PCDHA6: variants seen among roughly 807,000 people sequenced by gnomAD.
PCDHA6 encodes the protein protocadherin alpha-6.
In PCDHA6, 55 loss-of-function variants were observed where a neutral mutation model predicts 60.3. That is an observed-to-expected ratio of 0.91 (90% confidence interval 0.73 to 1.14). The LOEUF is 1.14. Among genes scored for constraint, PCDHA6 ranks in the 50% most tolerant of loss-of-function variants. The pLI is 0.00. For missense variants in PCDHA6, 1,327 were observed against 1,256.5 expected (o/e 1.06, Z -0.85); for synonymous variants, 652 against 557.9 (o/e 1.17, Z -2.38).
rs536640692 is a variant in PCDHA6 at position 140,927,687 on chromosome 5, T to TG, written c.2395-51258dup. ...CCTTGGATCCAGATGAAGGGTCCAATGGGGAAGTCCAGTACTCCCTAAGCA... is the reference window on the plus strand; with the variant it reads ...CCTTGGATCCAGATGAAGGGTCCAATGGGGGAAGTCCAGTACTCCCTAAGCA... On this transcript the variant is annotated intron_variant, in intron 1 of 3. Coordinates refer to ENST00000529310, the MANE Select transcript of PCDHA6 (RefSeq NM_018909.4). The TG allele has an allele frequency of 3.2e-4, 518 of 1,614,158 alleles. 3 individuals carry two copies. In the Middle Eastern group the frequency reaches 0.011, roughly 35 times the overall value.
At position 140,851,390 on chromosome 5, in the gene PCDHA6, C is replaced by A. The variant is rs1410826615; in HGVS notation, c.2394+20905C>A. The A allele has an allele frequency of 2.3e-5, 22 of 973,626 alleles. 2 individuals are homozygous for A. In the African/African-American group the frequency reaches 3.7e-4, roughly 16 times the overall value. The allele number at this position is 973,626 out of a possible 1,614,324, so 60.3% of individuals were successfully genotyped here. A position where few individuals can be genotyped will look rare whatever the true frequency, so the allele number is the denominator to read the frequency against. On this transcript the variant is annotated intron_variant, in intron 1 of 3. Transcript: ENST00000529310. ...CTGATTGTTCAGCAACCTTCAGTAT[C>A]TATTATTTTAATAAGAAAGAAACTT...
chr5:140,986,371 G>T (rs1453761888), intron 3 of PCDHA6, among the ~76,000 whole-genome samples: 2 of 152,116 alleles, frequency 1.3e-5, no homozygotes, highest in African/African-American at 2.4e-5. Flanking sequence ...AATGCGTTTT[G>T]GGGGGAGGGA....
intron 1 of PCDHA6, among the ~76,000 whole-genome samples, chr5:140,846,287 T>G (rs1554141208): frequency 6.7e-6 from 1 of 149,424 alleles, no homozygotes; most frequent in East Asian, 1.9e-4. Flanking sequence ...ATGTTGTAGT[T>G]CTATGAATTA....
rs60872775 is a variant in PCDHA6 at position 140,857,509 on chromosome 5, C to G, written c.2394+27024C>G. 2,646 of 1,598,160 alleles carry G rather than the reference C, an allele frequency of 1.7e-3. 197 individuals carry two copies. In the African/African-American group the frequency reaches 0.032, roughly 19 times the overall value. ...GGGACGCGGACGCGCAGGAGAACGCCCTGGTGTCCTACTCTCTGGTGGAGC... is the reference window on the plus strand; with the variant it reads ...GGGACGCGGACGCGCAGGAGAACGCGCTGGTGTCCTACTCTCTGGTGGAGC... On this transcript the variant is annotated intron_variant, in intron 1 of 3. Transcript: ENST00000529310.
rs142468733 is a variant in PCDHA6 at position 140,884,535 on chromosome 5, C to G, written c.2394+54050C>G. 4,368 of 1,614,034 alleles carry G rather than the reference C, an allele frequency of 2.7e-3. 82 individuals are homozygous for G. The South Asian group carries it at 0.038, about 14-fold the overall frequency. On this transcript the variant is annotated intron_variant, in intron 1 of 3. Coordinates refer to ENST00000529310, the MANE Select transcript of PCDHA6 (RefSeq NM_018909.4). ...TGGTCGTACTCGCAGCAGAGGCGGC[C>G]GAGGGTGTGCTCTGGGGAGGGCCCG...
At chr5:140,884,376 C>T (rs1554181489) in intron 1 of PCDHA6, 2 of 1,613,982 alleles carry the variant, frequency 1.2e-6, no homozygotes, top group Non-Finnish European at 1.7e-6. Context: ...TTGATCATTG[C>T]CATCTGCGCG....
chr5:140,928,863 C>T (rs1554206433), intron 1 of PCDHA6: 8 of 1,614,172 alleles, frequency 5.0e-6, no homozygotes, highest in Middle Eastern at 1.7e-4. Context: ...TGCTGTTGAG[C>T]AACTCTGTCC....
intron 3 of PCDHA6, among the ~76,000 whole-genome samples, chr5:141,000,804 G>A (rs2097964510): frequency 6.6e-6 from 1 of 151,886 alleles, no homozygotes; most frequent in African/African-American, 2.4e-5. Flanking sequence ...CTACTCAGAA[G>A]GCTGAGGTGG....
At chr5:140,949,237 A>G (rs1239213091) in intron 1 of PCDHA6, among the ~76,000 whole-genome samples, 1 of 151,790 alleles carries the variant, frequency 6.6e-6, no homozygotes, top group South Asian at 2.1e-4. Context: ...GTGGCCCAGC[A>G]ACAGTCTATC....
intron 1 of PCDHA6, among the ~76,000 whole-genome samples, chr5:140,903,594 A>G (rs868958257): frequency 3.3e-5 from 5 of 152,238 alleles, no homozygotes; most frequent in South Asian, 2.1e-4. Flanking sequence ...TTGGCCTGAT[A>G]AATGCTTAAT....
At chr5:140,945,349 T>G (rs578151486) in intron 1 of PCDHA6, among the ~76,000 whole-genome samples, 43 of 152,144 alleles carry the variant, frequency 2.8e-4, no homozygotes, top group Non-Finnish European at 4.9e-4. Context: ...TTGGAAAAAT[T>G]AATACTGTTT....
Position 140,829,832 on chromosome 5 carries a change from G to A in PCDHA6, c.1741G>A (p.Val581Met). Residue 581 changes from valine to methionine, a missense_variant, in exon 1 of 4, where the codon GTG becomes ATG. Coordinates refer to ENST00000529310, the MANE Select transcript of PCDHA6 (RefSeq NM_018909.4). ...TACTGGTGGTGCAGTGAGCGAGCTG[G>A]TGCCGCGGTCACTGGGTGCAGGCCA... ...GGTGGAVSELVPRSLGAGQVV... is the reference protein window; with the variant it reads ...GGTGGAVSELMPRSLGAGQVV... 6.2e-7 allele frequency: 1 copy of A among 1,613,932 alleles called. No individual in the cohort carries two copies. The highest frequency in any genetic ancestry group is 8.5e-7 in the Non-Finnish European group (1 of 1,179,888).
At chr5:140,845,739 T>A (rs1410365251) in intron 1 of PCDHA6, among the ~76,000 whole-genome samples, 1 of 149,672 alleles carries the variant, frequency 6.7e-6, no homozygotes, top group African/African-American at 2.4e-5. Context: ...TTCTACTTTA[T>A]AGATTTATTT....
intron 1 of PCDHA6, among the ~76,000 whole-genome samples, chr5:140,909,091 C>T: frequency 6.6e-6 from 1 of 152,220 alleles, no homozygotes; most frequent in Non-Finnish European, 1.5e-5. Flanking sequence ...TGCTACTTCT[C>T]ACTCACTGGG....
intron 1 of PCDHA6, among the ~76,000 whole-genome samples, chr5:140,939,246 C>G (rs536477969): frequency 6.6e-5 from 10 of 152,230 alleles, no homozygotes; most frequent in African/African-American, 2.2e-4. Context: ...AGCAAGGTAG[C>G]TCTCTGGAAC....
chr5:140,928,876 C>T (rs1554206456), intron 1 of PCDHA6: 1 of 1,614,194 alleles, frequency 6.2e-7, no homozygotes, highest in Non-Finnish European at 8.5e-7. Context: ...CTCTGTCCCT[C>T]AGTTACTTCC....
At chr5:140,915,650 C>G (rs1554197017) in intron 1 of PCDHA6, among the ~76,000 whole-genome samples, 1 of 151,636 alleles carries the variant, frequency 6.6e-6, no homozygotes, top group Non-Finnish European at 1.5e-5. Flanking sequence ...CTCTCTCTCT[C>G]TCTCTCAAGG....
chr5:140,926,778 A>G, intron 1 of PCDHA6: 1 of 1,393,042 alleles, frequency 7.2e-7, no homozygotes, highest in East Asian at 2.6e-5. Context: ...CGCAGCAGTG[A>G]CGGCCGGCAG....
intron 1 of PCDHA6, among the ~76,000 whole-genome samples, chr5:140,945,058 C>A (rs939271004): frequency 1.3e-5 from 2 of 151,996 alleles, no homozygotes; most frequent in Non-Finnish European, 2.9e-5. Flanking sequence ...AAAGAAAACC[C>A]TACAGACTCC....
Sources: allele counts gnomAD v4.1 joint callset (sites outside exome capture counted in the v4.1 genomes callset), GRCh38; gene constraint gnomAD v4.1.1; transcripts MANE v1.5; gene names NCBI Gene and HGNC (gene_info 2026-07-23, HGNC 2026-07-21).